The following ASAH2 variants were observed in gnomAD, a reference collection of about 807,000 sequenced individuals.
ASAH2 encodes the protein neutral ceramidase.
A neutral mutation model predicts 82.9 loss-of-function variants in ASAH2; 58 were observed. The ratio of observed to expected loss-of-function variants is 0.70; its 90% CI spans 0.57 to 0.87. ASAH2 has a LOEUF of 0.87. ASAH2 is among the 40% of genes least tolerant of loss of function. ASAH2 has a pLI of 0.00. For missense variants in ASAH2, 779 were observed against 834.0 expected, an observed-to-expected ratio of 0.93 and a Z score of 0.81; for synonymous variants, 276 against 289.7, an observed-to-expected ratio of 0.95 and a Z score of 0.48.
At chr10:50,246,492 C>A (rs1369864) in intron 2 of ASAH2, among the ~76,000 whole-genome samples, 43,967 of 152,056 alleles carry the variant, frequency 0.29, 6,607 homozygotes, top group Non-Finnish European at 0.31. Context: ...TGTCACAAGG[C>A]ATTTGTAGTC....
At position 50,214,782 on chromosome 10, in the gene ASAH2, C is replaced by T. The variant is rs748472550; in HGVS notation, c.1101G>A (p.Glu367=). The change falls in exon 9 of 21, where the codon GAG becomes GAA. Residue 367 remains glutamate, a synonymous_variant. Coordinates refer to ENST00000682911, the MANE Select transcript of ASAH2 (RefSeq NM_019893.4). ...AAGTGCTATTGGCGTTATCACAGGA[C>T]TCTCCTGTGTTGATGCAACGTGGTC... ...ILGPRCINTG[E]SCDNANSTCP... 6.2e-7 allele frequency: 1 copy of T among 1,613,688 alleles called. No homozygotes were observed. The highest frequency in any genetic ancestry group is 1.1e-5 in the South Asian group (1 of 91,076).
intron 4 of ASAH2, among the ~76,000 whole-genome samples, chr10:50,242,861 T>C (rs1247986386): frequency 6.6e-6 from 1 of 152,182 alleles, no homozygotes; most frequent in East Asian, 1.9e-4. Context: ...TAGTGATTAA[T>C]GGGTGCTCTC....
chr10:50,233,038 C>A, intron 7 of ASAH2, 146 bp downstream of exon 7: 1 of 741,276 alleles, frequency 1.3e-6, no homozygotes. Context: ...TTGGCTGGAC[C>A]CCAGTTGTGT....
At chr10:50,226,912 T>C (rs1477927487) in intron 7 of ASAH2, among the ~76,000 whole-genome samples, 3 of 152,176 alleles carry the variant, frequency 2.0e-5, no homozygotes, top group Admixed American at 6.5e-5. Context: ...GAGCAATTGT[T>C]GTGTTGTTGC....
chr10:50,243,155 T>A (rs765500663), intron 4 of ASAH2, 47 bp downstream of exon 4: 1 of 1,605,926 alleles, frequency 6.2e-7, no homozygotes, highest in Non-Finnish European at 8.5e-7. Context: ...CCACTTTTCC[T>A]TAAACCATAT....
chr10:50,233,149 C>A, intron 7 of ASAH2, 35 bp downstream of exon 7: 3 of 1,430,836 alleles, frequency 2.1e-6, no homozygotes, highest in Non-Finnish European at 3.0e-6. Flanking sequence ...GAAAAGCTAC[C>A]CGACAGAATT....
rs1018611590 is a variant in ASAH2 at position 50,217,462 on chromosome 10, C to T, written c.1014+1048G>A. Among the ~76,000 whole-genome samples the T allele has an allele frequency of 7.9e-5, 12 of 152,218 alleles. No homozygotes were observed. The East Asian group carries it at 1.6e-3, about 20-fold the overall frequency. On this transcript the variant is annotated intron_variant, in intron 8 of 20. Coordinates refer to ENST00000682911, the MANE Select transcript of ASAH2 (RefSeq NM_019893.4). The stretch of plus-strand genomic sequence containing the variant: ...CAGGCTGGTCTCGAACTCCTGACCT[C>T]ATGATTCACCCACCTCGGCCTCCCA...
intron 4 of ASAH2, among the ~76,000 whole-genome samples, chr10:50,240,105 G>T (rs1302450763): frequency 3.9e-5 from 6 of 152,088 alleles, no homozygotes; most frequent in African/African-American, 1.4e-4. Context: ...TGGGATTACA[G>T]ACGTGAGCCA....
At position 50,235,847 on chromosome 10, in the gene ASAH2, G is replaced by C. The variant is rs920991253; in HGVS notation, c.687+41C>G. ...CCAATCACTCCTAAAATACCTGTAA[G>C]CAATGGTAAAGAACAGCTGCCTCTG... On this transcript the variant is annotated intron_variant, in intron 5 of 20. Coordinates refer to ENST00000682911, the MANE Select transcript of ASAH2 (RefSeq NM_019893.4). 3.7e-4 allele frequency: 596 copies of C among 1,598,808 alleles called. 2 individuals carry two copies. The Middle Eastern group carries it at 8.3e-3, about 22-fold the overall frequency.
In ASAH2 at chr10:50,202,812, A is replaced by G. The variant is rs1218524555; in HGVS notation, c.1761+17T>C. The G allele has an allele frequency of 1.3e-6, 2 of 1,540,128 alleles. No homozygotes were observed. The highest frequency in any genetic ancestry group is 2.7e-5 in the African/African-American group (2 of 73,262). Reference sequence around the variant, plus strand: ...TGGGGTATAATTCATTTAAATGATGAAAACGTTTTGCTTTACCTGGTATTC... The same window carrying G: ...TGGGGTATAATTCATTTAAATGATGGAAACGTTTTGCTTTACCTGGTATTC... On this transcript the variant is annotated intron_variant, in intron 16 of 20. Transcript: ENST00000682911.
chr10:50,206,098 C>G lies in ASAH2; in HGVS notation c.1415-1G>C, dbSNP rs975623984. The G allele has an allele frequency of 6.2e-7, 1 of 1,605,518 alleles. No individual in the cohort carries two copies. Among genetic ancestry groups the G allele is most frequent in the South Asian group, 1.1e-5 (1 of 90,904 alleles). ...CAAAATGGATCCCCTTCTGTTTTCC[C>G]TATTAGAAATGTTATAATTAGTATA... is the stretch of plus-strand genomic sequence containing the variant. On this transcript the variant is annotated splice_acceptor_variant, in intron 12 of 20. Transcript: ENST00000682911. LOFTEE classifies it high-confidence loss of function.
intron 4 of ASAH2, among the ~76,000 whole-genome samples, chr10:50,237,059 A>T (rs1389453887): frequency 2.6e-5 from 4 of 152,282 alleles, no homozygotes; most frequent in African/African-American, 9.6e-5. Context: ...TCTTCTAATG[A>T]GGGGCTCTCT....
chr10:50,199,872 G>A (rs1251970454), intron 16 of ASAH2, among the ~76,000 whole-genome samples: 3 of 151,542 alleles, frequency 2.0e-5, no homozygotes, highest in African/African-American at 7.3e-5. Context: ...TTCTCCTAAG[G>A]TACAAATAGA....
chr10:50,240,239 T>C (rs1846262063), intron 4 of ASAH2, among the ~76,000 whole-genome samples: 1 of 152,132 alleles, frequency 6.6e-6, no homozygotes, highest in Non-Finnish European at 1.5e-5. Context: ...TAGGCAAAGT[T>C]ACAAAAAATA....
rs1384489609 is a variant in ASAH2, at chr10:50,194,634, G to C, written c.2005-1922C>G. ...TTCAGCAAAAAAAACAAAGATGAAG[G>C]TACCACACAACCTGACTTCAAAATA... On this transcript the variant is annotated intron_variant, in intron 18 of 20. Transcript: ENST00000682911. Among the ~76,000 whole-genome samples, 6 of 150,772 alleles carry C rather than the reference G, an allele frequency of 4.0e-5. No homozygotes were observed. The Admixed American group carries it at 4.0e-4, about 10-fold the overall frequency.
At chr10:50,241,231 GA>G (rs1229681573) in intron 4 of ASAH2, among the ~76,000 whole-genome samples, 1 of 152,190 alleles carries the variant, frequency 6.6e-6, no homozygotes, top group Non-Finnish European at 1.5e-5. Context: ...AACCAAGACA[GA>G]ATTCCTGACC....
chr10:50,241,578 A>T (rs1198079722), intron 4 of ASAH2, among the ~76,000 whole-genome samples: 2 of 152,218 alleles, frequency 1.3e-5, no homozygotes, highest in Non-Finnish European at 2.9e-5. Context: ...TGCTATAAAG[A>T]CACTTGCACA....
At chr10:50,246,664 G>C (rs2133235697) in intron 2 of ASAH2, among the ~76,000 whole-genome samples, 1 of 152,308 alleles carries the variant, frequency 6.6e-6, no homozygotes. Context: ...TGGAGAGCAT[G>C]TGATGAATCT....
Position 50,236,031 on chromosome 10 carries a change from G to A in ASAH2, c.544C>T (p.Leu182=). 1 of 1,613,280 alleles carries A rather than the reference G, an allele frequency of 6.2e-7. No homozygotes were observed. Among genetic ancestry groups the A allele is most frequent in the South Asian group, 1.1e-5 (1 of 91,058 alleles). The change falls in exon 5 of 21, where the codon CTG becomes TTG. Residue 182 remains leucine, a synonymous_variant. Transcript: ENST00000682911. ...LNRLQSKYGS[L]YRRDNVILSG... ...AGGATGACATTATCTCTTCTGTACA[G>A]GGAGCCATATTTACTCTGCAGTCTG...
Sources: gnomAD v4.1 joint callset for allele counts (sites outside exome capture counted in the v4.1 genomes callset) on GRCh38, gnomAD v4.1.1 for gene constraint, MANE v1.5 for transcripts, NCBI Gene and HGNC (gene_info 2026-07-23, HGNC 2026-07-21) for gene names.